The following SLC22A15 variants were observed in gnomAD, a reference collection of about 807,000 sequenced individuals.
The protein encoded by SLC22A15 is flipt 1.
Under a neutral mutation model 62.7 loss-of-function variants are expected in SLC22A15, and 45 were observed. The observed-to-expected ratio is 0.72, with a 90% CI of 0.56 to 0.92. SLC22A15 has a LOEUF of 0.92. Among genes scored for constraint, SLC22A15 ranks in the 40% least tolerant of loss-of-function variants. The pLI, the probability that SLC22A15 is intolerant of heterozygous loss-of-function variation, is 0.00. For missense variants in SLC22A15, 622 were observed against 665.6 expected (o/e 0.93, Z 0.72); for synonymous variants, 264 against 267.0 (o/e 0.99, Z 0.11).
chr1:115,978,817 G>T (rs1654452413), intron 1 of SLC22A15, among the ~76,000 whole-genome samples: 1 of 152,174 alleles, frequency 6.6e-6, no homozygotes, highest in African/African-American at 2.4e-5. Flanking sequence ...CATCATTCTT[G>T]GGGATGAGGT....
chr1:115,995,481 C>G (rs903040240), intron 2 of SLC22A15, among the ~76,000 whole-genome samples: 1 of 152,132 alleles, frequency 6.6e-6, no homozygotes, highest in Non-Finnish European at 1.5e-5. Context: ...GAACTCCTGA[C>G]CGCAGGTGAT....
intron 6 of SLC22A15, 198 bp downstream of exon 6, chr1:116,031,779 A>T: frequency 1.4e-6 from 2 of 1,420,822 alleles, no homozygotes; most frequent in Non-Finnish European, 1.8e-6. Flanking sequence ...GTAGCAGATG[A>T]TAGTGCCTGA....
Position 116,064,521 on chromosome 1 carries a change from C to T in SLC22A15, c.1365+13C>T, listed in dbSNP as rs1483355753. On this transcript the variant is annotated intron_variant, in intron 10 of 11. Coordinates refer to ENST00000369503, the MANE Select transcript of SLC22A15 (RefSeq NM_018420.3). ...CATCCCCTCACTGGTTGGTTTGTAC[C>T]TTCTAGTTTTGTTTTTCTTGATTCT... 2 of 1,592,314 alleles carry T rather than the reference C, an allele frequency of 1.3e-6. No individual in the cohort carries two copies. The highest frequency in any genetic ancestry group is 1.7e-6 in the Non-Finnish European group (2 of 1,160,736).
intron 8 of SLC22A15, among the ~76,000 whole-genome samples, chr1:116,060,764 AGGG>A (rs1180490699): frequency 6.6e-6 from 1 of 152,172 alleles, no homozygotes; most frequent in African/African-American, 2.4e-5. Flanking sequence ...AACATATCTC[AGGG>A]TAAATGCTGA....
chr1:115,992,832 A>C (rs1279039218), intron 2 of SLC22A15, among the ~76,000 whole-genome samples: 1 of 151,628 alleles, frequency 6.6e-6, no homozygotes, highest in Non-Finnish European at 1.5e-5. Context: ...CACCATGTTG[A>C]CCAGGCTGCT....
intron 8 of SLC22A15, among the ~76,000 whole-genome samples, chr1:116,060,650 T>C (rs1368607224): frequency 6.6e-6 from 1 of 152,224 alleles, no homozygotes; most frequent in Non-Finnish European, 1.5e-5. Context: ...TGCCTCCCAA[T>C]ACCTTTTCCC....
At chr1:116,060,757 A>G (rs569367229) in intron 8 of SLC22A15, among the ~76,000 whole-genome samples, 1 of 152,332 alleles carries the variant, frequency 6.6e-6, no homozygotes, top group African/African-American at 2.4e-5. Context: ...GTTGAGAAAC[A>G]TATCTCAGGG....
At chr1:116,018,726 A>G (rs1557889138) in intron 2 of SLC22A15, among the ~76,000 whole-genome samples, 1 of 152,138 alleles carries the variant, frequency 6.6e-6, no homozygotes, top group Non-Finnish European at 1.5e-5. Flanking sequence ...GGTAATTAGC[A>G]TTTCTGTCAT....
intron 2 of SLC22A15, among the ~76,000 whole-genome samples, chr1:116,004,517 A>G (rs952694998): frequency 6.6e-6 from 1 of 152,246 alleles, no homozygotes. Flanking sequence ...TTGTTTTTCA[A>G]ATATTGAACC....
intron 4 of SLC22A15, among the ~76,000 whole-genome samples, chr1:116,024,546 AT>A (rs1184045304): frequency 1.3e-5 from 2 of 152,198 alleles, no homozygotes; most frequent in African/African-American, 4.8e-5. Flanking sequence ...TTTTTTATTA[AT>A]TTTTTAAACC....
intron 1 of SLC22A15, among the ~76,000 whole-genome samples, chr1:115,990,921 A>G (rs1655114661): frequency 6.6e-6 from 1 of 151,982 alleles, no homozygotes; most frequent in African/African-American, 2.4e-5. Flanking sequence ...CCACACCCGG[A>G]AAATTTGTGT....
intron 6 of SLC22A15, chr1:116,032,043 C>G: frequency 1.0e-6 from 1 of 985,418 alleles, no homozygotes; most frequent in Non-Finnish European, 1.2e-6. Context: ...CACTCCCACT[C>G]ACTAACTCAC....
intron 1 of SLC22A15, among the ~76,000 whole-genome samples, chr1:115,987,685 A>C (rs1355965879): frequency 2.0e-5 from 3 of 152,162 alleles, no homozygotes. Context: ...TAGGTAACTG[A>C]GTACTAAATG....
At chr1:115,978,419 C>G (rs909442005) in intron 1 of SLC22A15, among the ~76,000 whole-genome samples, 1 of 152,164 alleles carries the variant, frequency 6.6e-6, no homozygotes, top group Non-Finnish European at 1.5e-5. Flanking sequence ...TGCCTATGAC[C>G]GTTCACTAAA....
chr1:116,047,776 TATTAA>T (rs1657964908), intron 8 of SLC22A15, among the ~76,000 whole-genome samples: 1 of 152,086 alleles, frequency 6.6e-6, no homozygotes, highest in African/African-American at 2.4e-5. Flanking sequence ...AAAGGTTAGT[TATTAA>T]ATTGAGGCAC....
intron 4 of SLC22A15, among the ~76,000 whole-genome samples, chr1:116,023,101 CTGAT>C (rs1448711128): frequency 6.6e-6 from 1 of 152,094 alleles, no homozygotes; most frequent in Non-Finnish European, 1.5e-5. Context: ...TGGAAATAGC[CTGAT>C]TATTTGGCAA....
intron 6 of SLC22A15, chr1:116,032,670 C>T: frequency 1.0e-6 from 1 of 974,604 alleles, no homozygotes; most frequent in Non-Finnish European, 1.2e-6. Context: ...CTAGGAATAT[C>T]ACAGATGCAT....
intron 1 of SLC22A15, among the ~76,000 whole-genome samples, chr1:115,991,591 G>C (rs2101090372): frequency 6.6e-6 from 1 of 152,284 alleles, no homozygotes; most frequent in African/African-American, 2.4e-5. Context: ...TTTAGATCAT[G>C]AATCCAAGGT....
At chr1:116,057,111 G>C (rs547808208) in intron 8 of SLC22A15, among the ~76,000 whole-genome samples, 7 of 152,046 alleles carry the variant, frequency 4.6e-5, no homozygotes, top group Non-Finnish European at 1.0e-4. Context: ...CCATCAGAGT[G>C]AAGAGGCAAC....
Sources: gnomAD v4.1 joint callset for allele counts (sites outside exome capture counted in the v4.1 genomes callset) on GRCh38, gnomAD v4.1.1 for gene constraint, MANE v1.5 for transcripts, NCBI Gene and HGNC (gene_info 2026-07-23, HGNC 2026-07-21) for gene names.